FARP1: variants seen among roughly 807,000 people sequenced by gnomAD.
The protein encoded by FARP1 is FERM, ARHGEF and pleckstrin domain-containing protein 1.
In FARP1, 52 loss-of-function variants were observed where a neutral mutation model predicts 128.8. The ratio of observed to expected loss-of-function variants is 0.40; its 90% confidence interval spans 0.32 to 0.51. FARP1 has a LOEUF of 0.51. FARP1 is among the 20% of genes least tolerant of loss of function. FARP1 has a pLI of 0.45. For synonymous variants in FARP1, 580 were observed against 551.8 expected (o/e 1.05, Z -0.72); for missense variants, 1,333 against 1,367.9 (o/e 0.97, Z 0.40).
At chr13:98,378,709 CTCAGTAG>C (rs980273902) in intron 6 of FARP1, among the ~76,000 whole-genome samples, 3 of 151,382 alleles carry the variant, frequency 2.0e-5, no homozygotes, top group Non-Finnish European at 2.9e-5. Flanking sequence ...AAGTGTCTCT[CTCAGTAG>C]TCAAAAAGTT....
At chr13:98,162,941 T>C (rs987763833) in intron 1 of FARP1, among the ~76,000 whole-genome samples, 3 of 152,132 alleles carry the variant, frequency 2.0e-5, no homozygotes, top group African/African-American at 7.2e-5. Context: ...AAAACAGAAC[T>C]ACCATTCAAC....
At chr13:98,278,895 G>T (rs1884794875) in intron 2 of FARP1, among the ~76,000 whole-genome samples, 1 of 151,856 alleles carries the variant, frequency 6.6e-6, no homozygotes, top group South Asian at 2.1e-4. Context: ...GTGCGATCTC[G>T]GCTCACTGCA....
intron 1 of FARP1, among the ~76,000 whole-genome samples, chr13:98,199,468 T>C (rs769989383): frequency 2.0e-5 from 3 of 152,226 alleles, no homozygotes; most frequent in Non-Finnish European, 4.4e-5. Flanking sequence ...TAGGCCCTCA[T>C]AAATGTTTGT....
At chr13:98,400,437 C>G (rs1263714862) in intron 13 of FARP1, 1 of 152,224 alleles carries the variant, frequency 6.6e-6, no homozygotes, top group Non-Finnish European at 1.5e-5. Flanking sequence ...TACCTGTAAT[C>G]AGTATTCGCA....
chr13:98,273,689 T>C (rs1884497388), intron 2 of FARP1, among the ~76,000 whole-genome samples: 1 of 152,162 alleles, frequency 6.6e-6, no homozygotes. Context: ...GTGATGAAAA[T>C]CATATTCTGT....
chr13:98,157,134 G>A (rs1296456261), intron 1 of FARP1, among the ~76,000 whole-genome samples: 2 of 152,178 alleles, frequency 1.3e-5, no homozygotes, highest in Non-Finnish European at 2.9e-5. Flanking sequence ...AGTAGTTTTA[G>A]AAAGCATGAA....
Position 98,355,466 on chromosome 13 carries a change from G to A in FARP1, c.277-9929G>A, listed in dbSNP as rs142527481. 4.7e-3 allele frequency among the ~76,000 whole-genome samples: 710 copies of A among 152,216 alleles called. 4 individuals carry two copies. Among genetic ancestry groups the A allele is most frequent in the African/African-American group, 0.016 (678 of 41,536 alleles). On this transcript the variant is annotated intron_variant, in intron 3 of 26. Transcript: ENST00000319562. ...CTAAGGCAGTGGTTCTTAAAGCATG[G>A]TCCACAGACCAACAAGCAGCATCCA...
intron 1 of FARP1, among the ~76,000 whole-genome samples, chr13:98,174,862 C>G (rs1321295041): frequency 1.3e-5 from 2 of 152,058 alleles, no homozygotes; most frequent in Non-Finnish European, 2.9e-5. Context: ...AGTAACATAC[C>G]CAAGGTCACG....
At chr13:98,177,346 GA>G in intron 1 of FARP1, 1 of 874,928 alleles carries the variant, frequency 1.1e-6, no homozygotes, top group Non-Finnish European at 1.7e-6. Flanking sequence ...AAAAGCAAGT[GA>G]AAGAAAAGCT....
chr13:98,248,154 A>G (rs145864906), intron 2 of FARP1, among the ~76,000 whole-genome samples: 1 of 152,228 alleles, frequency 6.6e-6, no homozygotes, highest in African/African-American at 2.4e-5. Flanking sequence ...TAATGAGAGA[A>G]ATGGGCCAAT....
chr13:98,169,573 C>A (rs1203178679), intron 1 of FARP1, among the ~76,000 whole-genome samples: 1 of 152,108 alleles, frequency 6.6e-6, no homozygotes, highest in Non-Finnish European at 1.5e-5. Context: ...CTTGAAAGAA[C>A]AACAACAAGA....
In FARP1 at chr13:98,319,510, C is replaced by T. The variant is rs537132540; in HGVS notation, c.172-24252C>T. On this transcript the variant is annotated intron_variant, in intron 2 of 26. Transcript: ENST00000319562. ...TAGCAGGCACCTGTAGTCCCAGCTACTCTGGCGGCTGAGGCAGGAGAATGG... is the reference window on the plus strand; with the variant it reads ...TAGCAGGCACCTGTAGTCCCAGCTATTCTGGCGGCTGAGGCAGGAGAATGG... 4.2e-3 allele frequency among the ~76,000 whole-genome samples: 641 copies of T among 152,242 alleles called. 7 individuals carry two copies. The highest frequency in any genetic ancestry group is 0.015 in the African/African-American group (605 of 41,562).
chr13:98,173,226 G>A (rs562687783), intron 1 of FARP1, among the ~76,000 whole-genome samples: 205 of 152,260 alleles, frequency 1.3e-3, no homozygotes, highest in African/African-American at 4.6e-3. Context: ...ATTTGTTCTT[G>A]AGAGTTCTGT....
In FARP1 at chr13:98,242,233, C is replaced by T. The variant is rs180834848; in HGVS notation, c.171+28820C>T. 7.8e-3 allele frequency among the ~76,000 whole-genome samples: 1,183 copies of T among 152,246 alleles called. 8 individuals carry two copies. Among genetic ancestry groups the T allele is most frequent in the Non-Finnish European group, 0.014 (935 of 68,024 alleles). On this transcript the variant is annotated intron_variant, in intron 2 of 26. Coordinates refer to ENST00000319562, the MANE Select transcript of FARP1 (RefSeq NM_005766.4). ...CTATGAATGTTCGTAGCGTACTCCCCCTCCCTCGAGGCCGTAGGGACCGTT... is the reference window on the plus strand; with the variant it reads ...CTATGAATGTTCGTAGCGTACTCCCTCTCCCTCGAGGCCGTAGGGACCGTT...
intron 1 of FARP1, among the ~76,000 whole-genome samples, chr13:98,196,223 T>C (rs866461372): frequency 1.3e-5 from 2 of 152,194 alleles, no homozygotes; most frequent in Middle Eastern, 6.8e-3. Flanking sequence ...AATCATAAAG[T>C]CGCTGGATGG....
chr13:98,317,056 G>C (rs1005727961), intron 2 of FARP1, among the ~76,000 whole-genome samples: 3 of 152,132 alleles, frequency 2.0e-5, no homozygotes, highest in African/African-American at 7.2e-5. Flanking sequence ...TCAGCACACA[G>C]ACACACACAG....
At chr13:98,417,493 G>C (rs535082075) in intron 16 of FARP1, among the ~76,000 whole-genome samples, 7 of 134,690 alleles carry the variant, frequency 5.2e-5, no homozygotes, top group African/African-American at 2.1e-4. Context: ...AAGAACACAT[G>C]GGGGTGGAGG....
At chr13:98,442,694 A>G (rs1428864924) in intron 24 of FARP1, among the ~76,000 whole-genome samples, 1 of 152,230 alleles carries the variant, frequency 6.6e-6, no homozygotes, top group Non-Finnish European at 1.5e-5. Flanking sequence ...ATAGCAGGAA[A>G]GGAGACCCCC....
chr13:98,144,444 T>C (rs982709909), intron 1 of FARP1, among the ~76,000 whole-genome samples: 8 of 152,180 alleles, frequency 5.3e-5, no homozygotes, highest in Non-Finnish European at 1.2e-4. Context: ...GGCCTCCCTG[T>C]CTCTCCCAGC....
Sources: allele counts gnomAD v4.1 joint callset (sites outside exome capture counted in the v4.1 genomes callset), GRCh38; gene constraint gnomAD v4.1.1; transcripts MANE v1.5; gene names NCBI Gene and HGNC (gene_info 2026-07-23, HGNC 2026-07-21).